ABI1: variants seen among roughly 807,000 people sequenced by gnomAD.
The protein encoded by ABI1 is abl interactor 1, also known as Abelson interactor 1.
In ABI1, 14 loss-of-function variants were observed where a neutral mutation model predicts 54.6. The ratio of observed to expected loss-of-function variants is 0.26; its 90% CI spans 0.17 to 0.40. The LOEUF (loss-of-function observed/expected upper bound fraction) is 0.40. Ranked by LOEUF, ABI1 falls within the 10% of genes least tolerant of loss-of-function variation. ABI1 has a pLI of 1.00. For missense variants in ABI1, 443 were observed against 598.3 expected (o/e 0.74, Z 2.71); for synonymous variants, 194 against 209.3 (o/e 0.93, Z 0.63).
chr10:26,857,626 A>G, intron 1 of ABI1, among the ~76,000 whole-genome samples: 1 of 149,300 alleles, frequency 6.7e-6, no homozygotes, highest in Middle Eastern at 3.5e-3. Flanking sequence ...CCTGAGCAAC[A>G]GAGCAAGACT....
At chr10:26,843,462 AAAAAAAAAAAAAAAAAAAAAAAAAT>A (rs1321071104) in intron 1 of ABI1, among the ~76,000 whole-genome samples, 2 of 72,042 alleles carry the variant, frequency 2.8e-5, no homozygotes, top group African/African-American at 1.2e-4. Flanking sequence ...TCAAAAAAAA[AAAAAAAAAAAAAAAAAAAAAAAAAT>A]ATATATATAT....
In ABI1 at chr10:26,860,789, G is replaced by C. The variant is rs145332216; in HGVS notation, c.75C>G (p.Asn25Lys). 24 of 1,614,170 alleles carry C rather than the reference G, an allele frequency of 1.5e-5. No homozygotes were observed. Among genetic ancestry groups the C allele is most frequent in the Non-Finnish European group, 2.0e-5 (24 of 1,180,026 alleles). ...GKRALIESYQ[N>K]LTRVADYCEN... ...CACAGTAGTCTGCCACCCGAGTCAGGTTCTGGTAACTCTCGATCAGCGCCC... is the reference window on the plus strand; with the variant it reads ...CACAGTAGTCTGCCACCCGAGTCAGCTTCTGGTAACTCTCGATCAGCGCCC... The change falls in exon 1 of 11, where the codon AAC becomes AAG. Residue 25 changes from asparagine to lysine, a missense_variant. Asn to Lys is a moderately conservative substitution (Grantham distance 94). Coordinates refer to ENST00000376140, the MANE Select transcript of ABI1 (RefSeq NM_001012750.3). This position sits in a 1 kb window ranked among gnomAD's most constrained non-coding sequence, Gnocchi z 4.1.
At chr10:26,822,843 C>T (rs974725456) in intron 2 of ABI1, among the ~76,000 whole-genome samples, 3 of 152,042 alleles carry the variant, frequency 2.0e-5, no homozygotes, top group Non-Finnish European at 2.9e-5. Flanking sequence ...AATAACTTTA[C>T]GTCAGAAAAG....
At chr10:26,762,659 T>A (rs554801674) in intron 7 of ABI1, among the ~76,000 whole-genome samples, 13 of 152,298 alleles carry the variant, frequency 8.5e-5, no homozygotes, top group Non-Finnish European at 4.4e-5. Context: ...TTATCATACT[T>A]CATGCAGCTT....
Position 26,747,996 on chromosome 10 carries a change from G to C in ABI1, c.*574C>G, listed in dbSNP as rs915334764. 5.0e-6 allele frequency: 1 copy of C among 201,894 alleles called. No homozygotes were observed. The highest frequency in any genetic ancestry group is 7.7e-5 in the East Asian group (1 of 12,940). The allele number at this position is 201,894 out of a possible 1,614,324, so 12.5% of individuals were successfully genotyped here. Reference sequence around the variant, plus strand: ...TCTCTTTTTGCTTGTTTCACATGGAGACCTTGGAGACTCAATTCACGTTAA... The same window carrying C: ...TCTCTTTTTGCTTGTTTCACATGGACACCTTGGAGACTCAATTCACGTTAA... On this transcript the variant is annotated 3_prime_UTR_variant, in exon 11 of 11. Transcript: ENST00000376140.
At chr10:26,828,038 C>A (rs77074880) in intron 1 of ABI1, among the ~76,000 whole-genome samples, 2 of 152,224 alleles carry the variant, frequency 1.3e-5, no homozygotes, top group African/African-American at 4.8e-5. Context: ...GACTTGCCTT[C>A]CTCGCTAAGC....
At chr10:26,773,491 C>A (rs374282582) in intron 3 of ABI1, among the ~76,000 whole-genome samples, 11 of 151,886 alleles carry the variant, frequency 7.2e-5, no homozygotes, top group African/African-American at 2.7e-4. Flanking sequence ...TGAGCCACTG[C>A]ACCCAGCCAA....
chr10:26,760,888 C>CAAAAAA (rs57750390), intron 7 of ABI1, among the ~76,000 whole-genome samples: 2 of 49,438 alleles, frequency 4.0e-5, no homozygotes, highest in Non-Finnish European at 7.5e-5. Flanking sequence ...GACTCCATCT[C>CAAAAAA]AAAAAAAAAA....
intron 2 of ABI1, among the ~76,000 whole-genome samples, chr10:26,782,044 G>A (rs1842178897): frequency 6.6e-6 from 1 of 152,154 alleles, no homozygotes; most frequent in Non-Finnish European, 1.5e-5. Context: ...ACATGCTACT[G>A]GCAGATTGGT....
intron 2 of ABI1, among the ~76,000 whole-genome samples, chr10:26,817,289 C>T (rs374204682): frequency 1.4e-4 from 21 of 152,196 alleles, no homozygotes; most frequent in African/African-American, 4.6e-4. Flanking sequence ...CCACCATGTC[C>T]GGCCAAGAGA....
chr10:26,853,632 G>A (rs903806580), intron 1 of ABI1, among the ~76,000 whole-genome samples: 4 of 150,140 alleles, frequency 2.7e-5, no homozygotes, highest in Admixed American at 6.7e-5. Context: ...CTCCGCCTCC[G>A]GGTTCACGCC....
rs918828750 is a variant in ABI1, at chr10:26,826,564, G to A, written c.118-3259C>T. Among the ~76,000 whole-genome samples the A allele has an allele frequency of 3.6e-4, 55 of 152,176 alleles. 1 individual carries two copies. Among genetic ancestry groups the A allele is most frequent in the Admixed American group, 3.5e-3 (54 of 15,284 alleles). ...AGTCAGCCTAGCCTTTGAAGGCCAGGCATGGGCTTCTCCTCTCTCCCTGTA... is the reference window on the plus strand; with the variant it reads ...AGTCAGCCTAGCCTTTGAAGGCCAGACATGGGCTTCTCCTCTCTCCCTGTA... On this transcript the variant is annotated intron_variant, in intron 1 of 10. Transcript: ENST00000376140.
At chr10:26,822,933 T>C (rs1190760874) in intron 2 of ABI1, among the ~76,000 whole-genome samples, 2 of 152,314 alleles carry the variant, frequency 1.3e-5, no homozygotes, top group African/African-American at 2.4e-5. Context: ...TAAAAATGGT[T>C]AAAATGGTCA....
chr10:26,860,695 T>G lies in ABI1; in HGVS notation c.117+52A>C. Reference sequence around the variant, plus strand: ...CCACCCCGCCCAGTGGGCTGGTCACTCCGGCGGGTCCTCGACCCGGCCAGC... The same window carrying G: ...CCACCCCGCCCAGTGGGCTGGTCACGCCGGCGGGTCCTCGACCCGGCCAGC... On this transcript the variant is annotated intron_variant, in intron 1 of 10. Coordinates refer to ENST00000376140, the MANE Select transcript of ABI1 (RefSeq NM_001012750.3). The surrounding 1 kb of genome is among the most constrained non-coding windows in gnomAD (Gnocchi z 4.1). 1 of 1,463,634 alleles carries G rather than the reference T, an allele frequency of 6.8e-7. No individual in the cohort carries two copies. The highest frequency in any genetic ancestry group is 9.6e-7 in the Non-Finnish European group (1 of 1,046,214). The allele number at this position is 1,463,634 out of a possible 1,614,324, so 90.7% of individuals were successfully genotyped here.
intron 2 of ABI1, among the ~76,000 whole-genome samples, chr10:26,788,643 T>C (rs1007463660): frequency 5.3e-5 from 8 of 152,192 alleles, no homozygotes; most frequent in African/African-American, 1.9e-4. Context: ...CCGGGTGCAG[T>C]GGCTCACGCC....
At chr10:26,827,596 G>GTTTT (rs398013068) in intron 1 of ABI1, among the ~76,000 whole-genome samples, 3 of 138,066 alleles carry the variant, frequency 2.2e-5, no homozygotes, top group Non-Finnish European at 3.1e-5. Context: ...TCTGTTTTTT[G>GTTTT]TTTTTTTTTT....
At chr10:26,798,582 C>A (rs529918487) in intron 2 of ABI1, among the ~76,000 whole-genome samples, 1 of 151,974 alleles carries the variant, frequency 6.6e-6, no homozygotes, top group Admixed American at 6.6e-5. Flanking sequence ...AACTTCTGAC[C>A]TCCAGAACTG....
At chr10:26,800,552 AGGAT>A in intron 2 of ABI1, among the ~76,000 whole-genome samples, 1 of 152,184 alleles carries the variant, frequency 6.6e-6, no homozygotes, top group Middle Eastern at 3.4e-3. Context: ...CCAAGGTGGG[AGGAT>A]GGTTGAACCC....
intron 2 of ABI1, among the ~76,000 whole-genome samples, chr10:26,797,073 C>A (rs1844277146): frequency 6.6e-6 from 1 of 152,118 alleles, no homozygotes; most frequent in Admixed American, 6.5e-5. Flanking sequence ...GGGTTGGGGA[C>A]CCCTGCCATA....
Sources: allele counts gnomAD v4.1 joint callset (sites outside exome capture counted in the v4.1 genomes callset), GRCh38; gene constraint gnomAD v4.1.1; non-coding constraint Gnocchi (gnomAD v3.1); transcripts MANE v1.5; gene names NCBI Gene and HGNC (gene_info 2026-07-23, HGNC 2026-07-21).